Variants in ADAMTS13 observed in about 807,000 individuals in gnomAD.
ADAMTS13 encodes A disintegrin and metalloproteinase with thrombospondin motifs 13.
A neutral mutation model predicts 155.1 loss-of-function variants in ADAMTS13; 110 were observed. That is an observed-to-expected ratio of 0.71 (90% CI 0.61 to 0.83). The LOEUF (loss-of-function observed/expected upper bound fraction) is 0.83. ADAMTS13 is among the 40% of genes least tolerant of loss of function. The probability of loss-of-function intolerance (pLI) is 0.00; values close to 1 mark genes in which losing one functional copy is unlikely to be tolerated. For synonymous variants in ADAMTS13, 758 were observed against 756.4 expected (o/e 1.00, Z -0.03); for missense variants, 1,707 against 1,891.7 (o/e 0.90, Z 1.81).
At chr9:133,446,042 A>C (rs999014075) in intron 21 of ADAMTS13, among the ~76,000 whole-genome samples, 1 of 152,202 alleles carries the variant, frequency 6.6e-6, no homozygotes, top group Non-Finnish European at 1.5e-5. Context: ...AACGCCCGGC[A>C]GTGTGGCACG....
chr9:133,456,595 G>A lies in ADAMTS13; in HGVS notation c.3600G>A (p.Lys1200=). The change falls in exon 27 of 29, where the codon AAG becomes AAA. Residue 1200 remains lysine (K), a synonymous_variant. Transcript: ENST00000355699. The surrounding 1 kb of genome is among the most constrained non-coding windows in gnomAD (Gnocchi z 4.4). ...GRLTWRKMCR[K]LLDMTFSSKT... ...TCACCTGGAGGAAGATGTGCAGGAA[G>A]CTGTTGGACATGACTTTCAGCTCCA... 2 of 1,613,496 alleles carry A rather than the reference G, an allele frequency of 1.2e-6. No individual in the cohort carries two copies. Among genetic ancestry groups the A allele is most frequent in the African/African-American group, 2.7e-5 (2 of 75,052 alleles).
Position 133,439,458 on chromosome 9 carries a change from G to A in ADAMTS13, c.1786+12G>A, listed in dbSNP as rs1384030008. Reference sequence around the variant, plus strand: ...CTTCACACACTTGGGTGAGTTGACTGGAGGACTCCCACCCAGTTAGCTAGA... The same window carrying A: ...CTTCACACACTTGGGTGAGTTGACTAGAGGACTCCCACCCAGTTAGCTAGA... On this transcript the variant is annotated intron_variant, in intron 15 of 28. Transcript: ENST00000355699. The A allele has an allele frequency of 6.2e-7, 1 of 1,608,892 alleles. No homozygotes were observed. Among genetic ancestry groups the A allele is most frequent in the East Asian group, 2.2e-5 (1 of 44,862 alleles).
chr9:133,458,480 C>T (rs148340800), intron 28 of ADAMTS13, among the ~76,000 whole-genome samples: 4,967 of 130,834 alleles, frequency 0.038, 109 homozygotes, highest in Middle Eastern at 0.073. Context: ...CACTTGAACC[C>T]GGGAGGTGGA....
chr9:133,414,643 T>A, exon 1 of ADAMTS13: 1 of 1,610,022 alleles, frequency 6.2e-7, no homozygotes, highest in Non-Finnish European at 8.5e-7. Context: ...CGGTTCTCAG[T>A]GGTGAGGTGG....
chr9:133,421,646 G>T (rs375814137), upstream of ADAMTS13, among the ~76,000 whole-genome samples: 2 of 152,202 alleles, frequency 1.3e-5, no homozygotes, highest in East Asian at 1.9e-4. Flanking sequence ...CTGAAGGAAT[G>T]AATGAATGGC....
intron 1 of ADAMTS13, chr9:133,414,847 G>A: frequency 1.9e-6 from 3 of 1,614,158 alleles, no homozygotes; most frequent in Non-Finnish European, 2.5e-6. Context: ...AAGGAACAGA[G>A]CCCCTGCTGG....
At chr9:133,416,868 G>A (rs1292920319) in intron 1 of ADAMTS13, among the ~76,000 whole-genome samples, 1 of 152,242 alleles carries the variant, frequency 6.6e-6, no homozygotes, top group Non-Finnish European at 1.5e-5. Flanking sequence ...GCACATGGCA[G>A]AGTGCACATT....
Position 133,445,557 on chromosome 9 carries a change from C to T in ADAMTS13, c.2611-142C>T, listed in dbSNP as rs36221588. On this transcript the variant is annotated intron_variant, in intron 20 of 28. Coordinates refer to ENST00000355699, the MANE Select transcript of ADAMTS13 (RefSeq NM_139027.6). This position sits in a 1 kb window ranked among gnomAD's most constrained non-coding sequence, Gnocchi z 5.0. ...CGCTGCGAGACCGGGGAGCCGATCT[C>T]GCCAAGGGAGGAGGGGAGGGAGCCC... is the stretch of plus-strand genomic sequence containing the variant. The T allele has an allele frequency of 2.7e-3, 3,608 of 1,337,920 alleles. 79 individuals are homozygous for T. The African/African-American group carries it at 0.045, about 17-fold the overall frequency. The allele number at this position is 1,337,920 out of a possible 1,614,324, so 82.9% of individuals were successfully genotyped here. A position where few individuals can be genotyped will look rare whatever the true frequency, so the allele number is the denominator to read the frequency against.
intron 13 of ADAMTS13, among the ~76,000 whole-genome samples, 153 bp downstream of exon 13, chr9:133,438,050 G>T (rs1258185961): frequency 6.6e-6 from 1 of 152,192 alleles, no homozygotes; most frequent in African/African-American, 2.4e-5. Flanking sequence ...CTTGGAGTCA[G>T]CCTGGGTTAA....
intron 1 of ADAMTS13, among the ~76,000 whole-genome samples, chr9:133,416,163 G>C (rs1839586137): frequency 6.6e-6 from 1 of 152,180 alleles, no homozygotes; most frequent in Non-Finnish European, 1.5e-5. Context: ...GTAAGGTGAA[G>C]GGGGAGCAGG....
In ADAMTS13 at chr9:133,445,712, C is replaced by T; in HGVS notation, c.2624C>T (p.Ser875Phe). The change falls in exon 21 of 29, where the codon TCT becomes TTT. Residue 875 changes from serine to phenylalanine, a missense_variant. Physicochemically the swap from Ser to Phe is radical, Grantham distance 155. This residue lies in a region of ADAMTS13 where 961 missense variants were observed against 1,107.9 expected (regional missense o/e 0.87). Transcript: ENST00000355699. This position sits in a 1 kb window ranked among gnomAD's most constrained non-coding sequence, Gnocchi z 5.0. ...TATTCCCCACAGCTGGATGCCACCT[C>T]TGCAGGGGAGAAGGCTCCCTCCCCA... is the stretch of plus-strand genomic sequence containing the variant. The part of the protein sequence containing the change: ...PPGWGHLDAT[S>F]AGEKAPSPWG... 1 of 1,613,038 alleles carries T rather than the reference C, an allele frequency of 6.2e-7. No individual in the cohort carries two copies. The highest frequency in any genetic ancestry group is 1.3e-5 in the African/African-American group (1 of 75,052).
intron 23 of ADAMTS13, among the ~76,000 whole-genome samples, chr9:133,450,389 A>G (rs925313331): frequency 1.1e-4 from 17 of 152,042 alleles, no homozygotes; most frequent in African/African-American, 4.1e-4. Context: ...TCCAACATAC[A>G]GAAACCCTGT....
rs1554783605 is a variant in ADAMTS13 at position 133,422,427 on chromosome 9, G to A, written c.-17G>A. ...CCCTCTCACTCCGCTCCACTCCTCG[G>A]GCTGGCTCTCCTGAGGATGCACCAG... On this transcript the variant is annotated 5_prime_UTR_variant, in exon 1 of 29. Transcript: ENST00000355699. 1 of 1,611,020 alleles carries A rather than the reference G, an allele frequency of 6.2e-7. No individual in the cohort carries two copies. Among genetic ancestry groups the A allele is most frequent in the South Asian group, 1.1e-5 (1 of 91,064 alleles).
At chr9:133,429,708 C>T in intron 7 of ADAMTS13, 1 of 702,744 alleles carries the variant, frequency 1.4e-6, no homozygotes, top group Non-Finnish European at 2.6e-6. Flanking sequence ...AGACCCGTCC[C>T]TCCGTCGCCG....
Position 133,424,786 on chromosome 9 carries a change from TG to T in ADAMTS13, c.330+310del, listed in dbSNP as rs1564408162. The stretch of plus-strand genomic sequence containing the variant: ...CCACAAAGCTCAGCTAAAGCAACCC[TG>T]GCAAATGGGATACGGGCTGCTCACA... On this transcript the variant is annotated intron_variant, in intron 3 of 28. Coordinates refer to ENST00000355699, the MANE Select transcript of ADAMTS13 (RefSeq NM_139027.6). The surrounding 1 kb of genome is among the most constrained non-coding windows in gnomAD (Gnocchi z 4.3). Among the ~76,000 whole-genome samples the T allele has an allele frequency of 6.6e-6, 1 of 152,132 alleles. No individual in the cohort carries two copies. The highest frequency in any genetic ancestry group is 1.5e-5 in the Non-Finnish European group (1 of 68,030).
chr9:133,423,442 T>C (rs1484372035), intron 2 of ADAMTS13, among the ~76,000 whole-genome samples: 1 of 152,202 alleles, frequency 6.6e-6, no homozygotes, highest in Non-Finnish European at 1.5e-5. Flanking sequence ...CCCCATGGCC[T>C]CTGCTGAGCT....
Position 133,440,314 on chromosome 9 carries a change from A to G in ADAMTS13, c.1787-30A>G. The G allele has an allele frequency of 1.2e-6, 2 of 1,613,472 alleles. No individual in the cohort carries two copies. The highest frequency in any genetic ancestry group is 1.7e-6 in the Non-Finnish European group (2 of 1,179,912). On this transcript the variant is annotated intron_variant, in intron 15 of 28. Transcript: ENST00000355699. The surrounding 1 kb of genome is among the most constrained non-coding windows in gnomAD (Gnocchi z 4.3). ...GTGAGGAGGATGGGTGCTCAGCTCC[A>G]CACAGCTAACAGGGCTGGTTCCCCG...
At chr9:133,448,771 A>C in intron 22 of ADAMTS13, 43 bp downstream of exon 22, 5 of 1,589,732 alleles carry the variant, frequency 3.1e-6, no homozygotes, top group Non-Finnish European at 4.3e-6. Context: ...TTCTCCCTGT[A>C]AGTGGGAGAC....
intron 11 of ADAMTS13, among the ~76,000 whole-genome samples, chr9:133,434,756 T>C (rs917029013): frequency 6.6e-6 from 1 of 152,196 alleles, no homozygotes; most frequent in Non-Finnish European, 1.5e-5. Flanking sequence ...TGGAGTACTC[T>C]GGAGTGAACC....
Sources: allele counts gnomAD v4.1 joint callset (sites outside exome capture counted in the v4.1 genomes callset), GRCh38; gene constraint gnomAD v4.1.1; regional missense constraint gnomAD v4.1.1; non-coding constraint Gnocchi (gnomAD v3.1); transcripts MANE v1.5; gene names NCBI Gene and HGNC (gene_info 2026-07-23, HGNC 2026-07-21).